Variants in ATXN1 observed in about 807,000 individuals in gnomAD.
The protein encoded by ATXN1 is ataxin-1.
ATXN1 carries 8 observed loss-of-function variants against 56.4 expected under a neutral mutation model. The ratio of observed to expected loss-of-function variants is 0.14; its 90% CI spans 0.08 to 0.26. The LOEUF is 0.26. Ranked by LOEUF, ATXN1 falls within the 10% of genes least tolerant of loss-of-function variation. The pLI, the probability that ATXN1 is intolerant of heterozygous loss-of-function variation, is 1.00. For synonymous variants in ATXN1, 514 were observed against 494.6 expected (o/e 1.04, Z -0.52); for missense variants, 987 against 1,106.5 (o/e 0.89, Z 1.53).
At chr6:16,751,588 TA>T (rs60506317) in intron 2 of ATXN1, among the ~76,000 whole-genome samples, 110,825 of 147,748 alleles carry the variant, frequency 0.75, 42,420 homozygotes, top group East Asian at 0.95. Context: ...TACAACAATC[TA>T]AAAAAAAAAA....
intron 5 of ATXN1, among the ~76,000 whole-genome samples, chr6:16,503,791 T>A (rs954219053): frequency 3.3e-5 from 5 of 152,140 alleles, no homozygotes; most frequent in Non-Finnish European, 5.9e-5. Context: ...TTTATGTAAA[T>A]ATACATATAT....
At chr6:16,693,283 G>A (rs927002179) in intron 2 of ATXN1, among the ~76,000 whole-genome samples, 1 of 152,160 alleles carries the variant, frequency 6.6e-6, no homozygotes, top group Non-Finnish European at 1.5e-5. Context: ...TCTACTGTAT[G>A]AGCTTAGGCA....
intron 6 of ATXN1, among the ~76,000 whole-genome samples, chr6:16,434,076 C>T (rs1759341038): frequency 6.6e-6 from 1 of 152,146 alleles, no homozygotes; most frequent in Admixed American, 6.5e-5. Flanking sequence ...CAAAAGCCTT[C>T]GGAAATTGGC....
At chr6:16,700,961 G>A (rs752414261) in intron 2 of ATXN1, among the ~76,000 whole-genome samples, 1 of 151,494 alleles carries the variant, frequency 6.6e-6, no homozygotes, top group Non-Finnish European at 1.5e-5. Flanking sequence ...GGAATGAACC[G>A]TGAACCAGCA....
chr6:16,648,424 G>A (rs1763838885), intron 3 of ATXN1, among the ~76,000 whole-genome samples: 1 of 152,154 alleles, frequency 6.6e-6, no homozygotes, highest in Admixed American at 6.6e-5. Flanking sequence ...CTGAGCCCTG[G>A]CTCTCATGAA....
rs543402621 is a variant in ATXN1, at chr6:16,590,098, A to G, written c.-488-4191T>C. On this transcript the variant is annotated intron_variant, in intron 3 of 7. Transcript: ENST00000436367. ...AGCTATTTCTTTTGCTAAAAAAAAA[A>G]TTAGAGATGCATATTCATCCACTTC... 2.6e-3 allele frequency among the ~76,000 whole-genome samples: 398 copies of G among 152,330 alleles called. 1 individual carries two copies. The highest frequency in any genetic ancestry group is 8.7e-3 in the African/African-American group (361 of 41,578).
At chr6:16,499,952 T>G (rs1469403626) in intron 5 of ATXN1, among the ~76,000 whole-genome samples, 1 of 152,158 alleles carries the variant, frequency 6.6e-6, no homozygotes, top group Non-Finnish European at 1.5e-5. Flanking sequence ...AGATCCTTAC[T>G]TAACTGGTCT....
intron 6 of ATXN1, among the ~76,000 whole-genome samples, chr6:16,429,559 AG>A (rs375331622): frequency 6.6e-6 from 1 of 151,828 alleles, no homozygotes; most frequent in African/African-American, 2.4e-5. Context: ...CTGGGATTAC[AG>A]GTGCCCACCA....
intron 6 of ATXN1, among the ~76,000 whole-genome samples, chr6:16,386,722 A>G (rs9477107): frequency 0.12 from 18,351 of 152,234 alleles, 1,188 homozygotes; most frequent in African/African-American, 0.15. Flanking sequence ...GAAGAAACGC[A>G]TATTAGGACT....
At chr6:16,613,476 T>C (rs1763150553) in intron 3 of ATXN1, among the ~76,000 whole-genome samples, 1 of 151,682 alleles carries the variant, frequency 6.6e-6, no homozygotes, top group African/African-American at 2.4e-5. Flanking sequence ...TTCACAAATA[T>C]TGAGAATGTT....
chr6:16,643,338 T>C (rs1193808857), intron 3 of ATXN1, among the ~76,000 whole-genome samples: 7 of 151,008 alleles, frequency 4.6e-5, no homozygotes, highest in African/African-American at 1.7e-4. Context: ...ACTACAGAAA[T>C]GTAAGCCTGG....
chr6:16,623,869 G>A (rs1763361444), intron 3 of ATXN1, among the ~76,000 whole-genome samples: 1 of 152,176 alleles, frequency 6.6e-6, no homozygotes, highest in African/African-American at 2.4e-5. Flanking sequence ...CAGAAAGCTG[G>A]TATTAATAAT....
chr6:16,503,149 G>T (rs1486572642), intron 5 of ATXN1, among the ~76,000 whole-genome samples: 1 of 152,050 alleles, frequency 6.6e-6, no homozygotes, highest in Admixed American at 6.6e-5. Context: ...TAAAATTGAG[G>T]CTACTTACAC....
intron 6 of ATXN1, among the ~76,000 whole-genome samples, chr6:16,393,602 C>A (rs7762645): frequency 0.18 from 27,354 of 152,166 alleles, 3,419 homozygotes; most frequent in African/African-American, 0.36. Context: ...ATATGTCTAC[C>A]AAATTCATGA....
At chr6:16,338,268 C>T (rs902738309) in intron 6 of ATXN1, among the ~76,000 whole-genome samples, 10 of 151,804 alleles carry the variant, frequency 6.6e-5, no homozygotes, top group African/African-American at 1.5e-4. Flanking sequence ...CTGAGGCGGG[C>T]GGATTGCGAG....
chr6:16,412,561 T>C (rs1758820617), intron 6 of ATXN1, among the ~76,000 whole-genome samples: 1 of 152,162 alleles, frequency 6.6e-6, no homozygotes, highest in South Asian at 2.1e-4. Flanking sequence ...TTCTCAGAAA[T>C]TTCATTGCCA....
At chr6:16,536,724 T>C (rs879356643) in intron 4 of ATXN1, among the ~76,000 whole-genome samples, 6 of 151,482 alleles carry the variant, frequency 4.0e-5, no homozygotes, top group Admixed American at 2.0e-4. Context: ...GCTACTGCAA[T>C]GTGCAATGCA....
At chr6:16,462,288 C>A (rs1224848830) in intron 6 of ATXN1, among the ~76,000 whole-genome samples, 1 of 152,128 alleles carries the variant, frequency 6.6e-6, no homozygotes, top group Non-Finnish European at 1.5e-5. Flanking sequence ...CCTGAAGAAC[C>A]TGTAGGACCA....
At chr6:16,337,510 G>T (rs527922976) in intron 6 of ATXN1, among the ~76,000 whole-genome samples, 12 of 152,352 alleles carry the variant, frequency 7.9e-5, no homozygotes, top group Non-Finnish European at 1.8e-4. Context: ...TCCTGGAAAG[G>T]CTCAAGATGG....
Sources: allele counts gnomAD v4.1 joint callset (sites outside exome capture counted in the v4.1 genomes callset), GRCh38; gene constraint gnomAD v4.1.1; transcripts MANE v1.5; gene names NCBI Gene and HGNC (gene_info 2026-07-23, HGNC 2026-07-21).